The following UFM1 variants were observed in gnomAD, a reference collection of about 807,000 sequenced individuals.
UFM1 encodes ubiquitin fold modifier 1, also known as ubiquitin-fold modifier 1.
Under a neutral mutation model 15.4 loss-of-function variants are expected in UFM1, and 9 were observed. The observed-to-expected ratio is 0.59, with a 90% CI of 0.35 to 1.02. UFM1 has a LOEUF of 1.02. Among genes scored for constraint, UFM1 ranks in the 50% least tolerant of loss-of-function variants. The pLI is 0.02. For missense variants in UFM1, 98 were observed against 104.7 expected (o/e 0.94, Z 0.28); for synonymous variants, 27 against 36.3 (o/e 0.74, Z 0.92).
chr13:38,359,205 C>A (rs911794054), intron 4 of UFM1, 96 bp from the exon 5 acceptor site: 5 of 1,073,814 alleles, frequency 4.7e-6, no homozygotes, highest in Middle Eastern at 3.2e-4. Flanking sequence ...TGTCTATATA[C>A]ACAACAGCAC....
At chr13:38,353,171 C>CAT (rs1271580429) in intron 2 of UFM1, among the ~76,000 whole-genome samples, 1 of 152,058 alleles carries the variant, frequency 6.6e-6, no homozygotes, top group Non-Finnish European at 1.5e-5. Context: ...AAACTGGTAC[C>CAT]ATATGCTGTT....
intron 2 of UFM1, among the ~76,000 whole-genome samples, chr13:38,351,212 T>G (rs1362193873): frequency 7.2e-5 from 11 of 152,202 alleles, no homozygotes; most frequent in Admixed American, 6.5e-5. Context: ...CTCAGCATAT[T>G]TTGGTTAGTG....
intron 3 of UFM1, among the ~76,000 whole-genome samples, chr13:38,357,197 G>A (rs1002759567): frequency 6.6e-6 from 1 of 151,910 alleles, no homozygotes; most frequent in African/African-American, 2.4e-5. Context: ...ACAGAGGAAT[G>A]TAAGGAATAC....
intron 3 of UFM1, among the ~76,000 whole-genome samples, chr13:38,355,635 TATTG>T (rs1265746516): frequency 2.0e-5 from 3 of 151,814 alleles, no homozygotes; most frequent in Admixed American, 1.3e-4. Context: ...CAACCATATA[TATTG>T]ATTAAGGTAG....
chr13:38,358,345 A>G (rs1566033548), intron 4 of UFM1, among the ~76,000 whole-genome samples: 1 of 151,600 alleles, frequency 6.6e-6, no homozygotes. Flanking sequence ...ATAGCACTTT[A>G]TAATATCTTT....
intron 2 of UFM1, among the ~76,000 whole-genome samples, chr13:38,350,455 G>A (rs1486111403): frequency 1.3e-5 from 2 of 152,170 alleles, no homozygotes; most frequent in Admixed American, 6.5e-5. Context: ...GGAAGTTAAG[G>A]AAGACATTCC....
chr13:38,358,270 C>A, intron 4 of UFM1, 138 bp downstream of exon 4: 1 of 435,476 alleles, frequency 2.3e-6, no homozygotes, highest in Non-Finnish European at 4.0e-6. Flanking sequence ...CTGGTAAACA[C>A]TAAGTCAGGG....
At chr13:38,360,510 A>G (rs1204518936) in intron 5 of UFM1, among the ~76,000 whole-genome samples, 1 of 152,082 alleles carries the variant, frequency 6.6e-6, no homozygotes, top group East Asian at 1.9e-4. Flanking sequence ...GTGTTATTTT[A>G]AATTTTAAGC....
At chr13:38,359,083 C>T (rs1336870558) in intron 4 of UFM1, among the ~76,000 whole-genome samples, 14 of 151,964 alleles carry the variant, frequency 9.2e-5, no homozygotes, top group African/African-American at 3.1e-4. Context: ...CATTGACAGA[C>T]GTTTTTGTCT....
chr13:38,360,554 C>G (rs986039716), intron 5 of UFM1, among the ~76,000 whole-genome samples, 157 bp from the exon 6 acceptor site: 2 of 151,972 alleles, frequency 1.3e-5, no homozygotes, highest in African/African-American at 4.8e-5. Flanking sequence ...AGAATAGGAA[C>G]AAGACTTAAA....
intron 3 of UFM1, 53 bp downstream of exon 3, chr13:38,354,349 T>C: frequency 1.3e-6 from 2 of 1,525,300 alleles, no homozygotes; most frequent in African/African-American, 2.7e-5. Context: ...CCAATATGCT[T>C]CAAATGTCTT....
Position 38,349,938 on chromosome 13 carries a change from C to T in UFM1, c.2+17C>T. ...CACCACCATGTAAGTGTTTGCTTAC[C>T]GACTGCCATAATTCCTGGTCCAGCT... On this transcript the variant is annotated intron_variant, in intron 1 of 5. Coordinates refer to ENST00000239878, the MANE Select transcript of UFM1 (RefSeq NM_016617.4). 5 of 1,613,968 alleles carry T rather than the reference C, an allele frequency of 3.1e-6. No homozygotes were observed. The highest frequency in any genetic ancestry group is 3.4e-6 in the Non-Finnish European group (4 of 1,179,878).
rs1191634442 is a variant in UFM1, at chr13:38,361,748, C to T, written c.*970C>T. ...AAAGGAAAGATGGGGAAGCCCAGATCACCAGGCTTCTATTAAGGAGGAAAG... is the reference window on the plus strand; with the variant it reads ...AAAGGAAAGATGGGGAAGCCCAGATTACCAGGCTTCTATTAAGGAGGAAAG... On this transcript the variant is annotated 3_prime_UTR_variant, in exon 6 of 6. Transcript: ENST00000239878. The T allele has an allele frequency of 6.6e-6, 1 of 152,260 alleles. No individual in the cohort carries two copies. The allele number at this position is 152,260 out of a possible 1,614,324, so 9.4% of individuals were successfully genotyped here.
At position 38,362,577 on chromosome 13, in the gene UFM1, T is replaced by G. The variant is rs559381233; in HGVS notation, c.*1799T>G. 1 of 152,044 alleles carries G rather than the reference T, an allele frequency of 6.6e-6. No individual in the cohort carries two copies. Among genetic ancestry groups the G allele is most frequent in the African/African-American group, 2.4e-5 (1 of 41,514 alleles). The allele number at this position is 152,044 out of a possible 1,614,324, so 9.4% of individuals were successfully genotyped here. On this transcript the variant is annotated 3_prime_UTR_variant, in exon 6 of 6. Coordinates refer to ENST00000239878, the MANE Select transcript of UFM1 (RefSeq NM_016617.4). ...CACCACGCCCAGCTAATTTTTGTAT[T>G]TTTAGCAGAGACAGGGAGGAAGTTT... is the stretch of plus-strand genomic sequence containing the variant.
intron 2 of UFM1, among the ~76,000 whole-genome samples, chr13:38,351,595 G>T (rs915560882): frequency 6.6e-6 from 1 of 152,204 alleles, no homozygotes; most frequent in African/African-American, 2.4e-5. Flanking sequence ...TTTCAGTCTT[G>T]TCAAGGTTAA....
intron 4 of UFM1, 23 bp downstream of exon 4, chr13:38,358,155 T>G: frequency 7.1e-7 from 1 of 1,406,724 alleles, no homozygotes; most frequent in Non-Finnish European, 9.5e-7. Context: ...TATAAAATTA[T>G]GTATTACCTC....
At chr13:38,353,191 A>G (rs569434220) in intron 2 of UFM1, among the ~76,000 whole-genome samples, 1 of 152,284 alleles carries the variant, frequency 6.6e-6, no homozygotes, top group East Asian at 1.9e-4. Flanking sequence ...TCCTGTTATA[A>G]TGATTCTTAT....
Position 38,363,302 on chromosome 13 carries a change from G to C in UFM1, c.*2524G>C, listed in dbSNP as rs2140068131. On this transcript the variant is annotated 3_prime_UTR_variant, in exon 6 of 6. Transcript: ENST00000239878. Reference sequence around the variant, plus strand: ...ATTAGGTACAGTAACATGCTCTACAGGTTTGTAGCCTAGGAGCAATAGGCC... The same window carrying C: ...ATTAGGTACAGTAACATGCTCTACACGTTTGTAGCCTAGGAGCAATAGGCC... The C allele has an allele frequency of 6.6e-6, 1 of 152,252 alleles. No homozygotes were observed. Among genetic ancestry groups the C allele is most frequent in the African/African-American group, 2.4e-5 (1 of 41,526 alleles). 9.4% of individuals were successfully genotyped at this position (152,252 alleles called of 1,614,324 possible).
intron 4 of UFM1, 62 bp downstream of exon 4, chr13:38,358,194 C>T: frequency 9.4e-7 from 1 of 1,067,970 alleles, no homozygotes; most frequent in East Asian, 2.9e-5. Context: ...TAAAAGGAAC[C>T]AAATTAATTA....
Sources: gnomAD v4.1 joint callset for allele counts (sites outside exome capture counted in the v4.1 genomes callset) on GRCh38, gnomAD v4.1.1 for gene constraint, MANE v1.5 for transcripts, NCBI Gene and HGNC (gene_info 2026-07-23, HGNC 2026-07-21) for gene names.